The following B4GALNT2 variants were observed in gnomAD, a reference collection of about 807,000 sequenced individuals.
B4GALNT2 encodes beta-1,4-N-acetyl-galactosaminyltransferase 2 (SID blood group).
A neutral mutation model predicts 51.1 loss-of-function variants in B4GALNT2; 42 were observed. That is an observed-to-expected ratio of 0.82 (90% CI 0.64 to 1.06). The LOEUF (loss-of-function observed/expected upper bound fraction) is 1.06, where lower values mean the gene tolerates loss of function less well. Ranked by LOEUF, B4GALNT2 falls within the 50% of genes least tolerant of loss-of-function variation. The probability of loss-of-function intolerance (pLI) is 0.00; values close to 1 mark genes in which losing one functional copy is unlikely to be tolerated. For synonymous variants in B4GALNT2, 253 were observed against 251.7 expected (o/e 1.01, Z -0.05); for missense variants, 602 against 633.6 (o/e 0.95, Z 0.54).
At chr17:49,153,021 C>T (rs1178167579) in intron 4 of B4GALNT2, 115 bp downstream of exon 4, 17 of 915,988 alleles carry the variant, frequency 1.9e-5, no homozygotes, top group Non-Finnish European at 2.7e-5. Flanking sequence ...CTTTGGGAGT[C>T]CAAAGCAGGA....
rs977476728 is a variant in B4GALNT2 at position 49,171,815 on chromosome 17, A to T, written c.*2087A>T. The stretch of plus-strand genomic sequence containing the variant: ...CAATGCAATCTTCCCAAACAAGTAC[A>T]TTCATTATTTCTGGCCAGGTCTAAT... On this transcript the variant is annotated 3_prime_UTR_variant, in exon 11 of 11. Transcript: ENST00000393354. The T allele has an allele frequency of 2.5e-6, 1 of 402,104 alleles. No homozygotes were observed. Among genetic ancestry groups the T allele is most frequent in the Non-Finnish European group, 4.8e-6 (1 of 209,782 alleles). The allele number at this position is 402,104 out of a possible 1,614,324, so 24.9% of individuals were successfully genotyped here.
At chr17:49,142,321 A>G in intron 3 of B4GALNT2, 149 bp downstream of exon 3, 1 of 1,046,808 alleles carries the variant, frequency 9.6e-7, no homozygotes, top group African/African-American at 1.6e-5. Flanking sequence ...TGAAACAAAG[A>G]AGGAATCGAG....
In B4GALNT2 at chr17:49,169,530, C is replaced by T; in HGVS notation, c.1323C>T (p.Phe441=). ...CTCTCCCTCTCTTTGCAGAATTCTT[C>T]ATTGATGGGCTAGGGACCCTACTCG... ...RLQRVAHSEF[F]IDGLGTLLVG... Residue 441 remains phenylalanine (F), a synonymous_variant, in exon 11 of 11, where the codon TTC becomes TTT. Transcript: ENST00000393354. The T allele has an allele frequency of 6.2e-7, 1 of 1,611,290 alleles. No individual in the cohort carries two copies.
At chr17:49,165,068 C>A (rs998568107) in intron 8 of B4GALNT2, among the ~76,000 whole-genome samples, 7 of 152,138 alleles carry the variant, frequency 4.6e-5, no homozygotes, top group Non-Finnish European at 8.8e-5. Flanking sequence ...TTCACCTAGG[C>A]TTCCCAAAGT....
intron 5 of B4GALNT2, among the ~76,000 whole-genome samples, chr17:49,158,545 G>A (rs1056225278): frequency 6.6e-6 from 1 of 150,642 alleles, no homozygotes; most frequent in Admixed American, 6.7e-5. Context: ...GGCTGAGGCA[G>A]GATAATTGCT....
intron 1 of B4GALNT2, among the ~76,000 whole-genome samples, chr17:49,137,370 G>C (rs534186466): frequency 2.6e-5 from 4 of 152,158 alleles, no homozygotes; most frequent in African/African-American, 9.7e-5. Context: ...CGTTATAGTA[G>C]GAGTGGATTC....
At position 49,152,920 on chromosome 17, in the gene B4GALNT2, C is replaced by T. The variant is rs776966973; in HGVS notation, c.460+14C>T. ...TTCCCATCCCAGGTAAGTACATCCACATACCAAGAGACCCCAGACAACATT... is the reference window on the plus strand; with the variant it reads ...TTCCCATCCCAGGTAAGTACATCCATATACCAAGAGACCCCAGACAACATT... On this transcript the variant is annotated intron_variant, in intron 4 of 10. Coordinates refer to ENST00000393354, the MANE Select transcript of B4GALNT2 (RefSeq NM_001159387.2). 4 of 1,590,082 alleles carry T rather than the reference C, an allele frequency of 2.5e-6. No individual in the cohort carries two copies. The South Asian group carries it at 3.4e-5, about 13-fold the overall frequency.
chr17:49,160,469 C>T (rs1042370729), intron 6 of B4GALNT2, 86 bp from the exon 7 acceptor site: 44 of 1,254,084 alleles, frequency 3.5e-5, no homozygotes, highest in Non-Finnish European at 4.5e-5. Flanking sequence ...AACCTGTACT[C>T]GCCTGTCATG....
At position 49,152,998 on chromosome 17, in the gene B4GALNT2, T is replaced by G. The variant is rs62079773; in HGVS notation, c.460+92T>G. ...GAGGTCGGGTGCAGTGGCTCATGCC[T>G]GTAATTCCAGCACTTTGGGAGTCCA... On this transcript the variant is annotated intron_variant, in intron 4 of 10. Coordinates refer to ENST00000393354, the MANE Select transcript of B4GALNT2 (RefSeq NM_001159387.2). 0.24 allele frequency: 273,458 copies of G among 1,138,204 alleles called. 36,312 individuals are homozygous for G. The highest frequency in any genetic ancestry group is 0.27 in the East Asian group (10,262 of 38,660). 70.5% of individuals were successfully genotyped at this position (1,138,204 alleles called of 1,614,324 possible).
chr17:49,126,944 A>T, the B4GALNT2 span, among the ~76,000 whole-genome samples: 1 of 151,742 alleles, frequency 6.6e-6, no homozygotes, highest in Non-Finnish European at 1.5e-5. Flanking sequence ...CCTCAGGTGA[A>T]CCACCCGCCT....
chr17:49,155,407 A>G (rs1382697021), intron 4 of B4GALNT2, among the ~76,000 whole-genome samples: 1 of 151,126 alleles, frequency 6.6e-6, no homozygotes, highest in African/African-American at 2.4e-5. Context: ...GTTTGAAACC[A>G]GCCTGACCAA....
At chr17:49,147,439 A>G (rs1472397531) in intron 3 of B4GALNT2, among the ~76,000 whole-genome samples, 1 of 148,852 alleles carries the variant, frequency 6.7e-6, no homozygotes, top group African/African-American at 2.5e-5. Context: ...CAGTGGTGCA[A>G]TCTCTACCCA....
chr17:49,127,001 G>T, the B4GALNT2 span, among the ~76,000 whole-genome samples: 1 of 152,260 alleles, frequency 6.6e-6, no homozygotes, highest in Admixed American at 6.5e-5. Context: ...ACTGTGTCCG[G>T]CCTAAATTGT....
upstream of B4GALNT2, among the ~76,000 whole-genome samples, chr17:49,128,562 C>T (rs920365237): frequency 1.3e-5 from 2 of 152,064 alleles, no homozygotes; most frequent in Non-Finnish European, 2.9e-5. Flanking sequence ...CAGAGAGGGT[C>T]GGGATCTAAA....
intron 9 of B4GALNT2, among the ~76,000 whole-genome samples, chr17:49,167,226 G>A (rs2042918591): frequency 6.6e-6 from 1 of 152,208 alleles, no homozygotes; most frequent in African/African-American, 2.4e-5. Flanking sequence ...TCCTGGATCA[G>A]CTTCTTTTTC....
chr17:49,165,984 C>T (rs1015577729), intron 8 of B4GALNT2, 130 bp from the exon 9 acceptor site: 10 of 1,082,744 alleles, frequency 9.2e-6, no homozygotes, highest in African/African-American at 1.6e-5. Flanking sequence ...ACACTGGATT[C>T]GCTCGCACCA....
At chr17:49,161,988 G>T (rs2042869235) in intron 7 of B4GALNT2, among the ~76,000 whole-genome samples, 1 of 151,036 alleles carries the variant, frequency 6.6e-6, no homozygotes, top group African/African-American at 2.4e-5. Flanking sequence ...ATTAAAATTA[G>T]CAAATTTTTT....
intron 3 of B4GALNT2, among the ~76,000 whole-genome samples, chr17:49,152,129 C>T (rs558925303): frequency 6.6e-6 from 1 of 152,160 alleles, no homozygotes; most frequent in East Asian, 1.9e-4. Context: ...ATAGTCCTGG[C>T]TTCTCTGACA....
At chr17:49,155,230 G>A (rs1405148491) in intron 4 of B4GALNT2, among the ~76,000 whole-genome samples, 3 of 150,090 alleles carry the variant, frequency 2.0e-5, no homozygotes, top group East Asian at 3.9e-4. Flanking sequence ...CCTGGGAGGC[G>A]GAGTTTGCAG....
Sources: allele counts gnomAD v4.1 joint callset (sites outside exome capture counted in the v4.1 genomes callset), GRCh38; gene constraint gnomAD v4.1.1; transcripts MANE v1.5; gene names NCBI Gene and HGNC (gene_info 2026-07-23, HGNC 2026-07-21).